The following SASS6 variants were observed in gnomAD, a reference collection of about 807,000 sequenced individuals.
SASS6 encodes SAS-6 centriolar assembly protein.
Under a neutral mutation model 94.9 loss-of-function variants are expected in SASS6, and 59 were observed. That is an observed-to-expected ratio of 0.62 (90% CI 0.50 to 0.77). The LOEUF (loss-of-function observed/expected upper bound fraction) is 0.77. Among genes scored for constraint, SASS6 ranks in the 30% least tolerant of loss-of-function variants. The pLI is 0.00. For synonymous variants in SASS6, 264 were observed against 270.0 expected (o/e 0.98, Z 0.22); for missense variants, 698 against 734.1 (o/e 0.95, Z 0.57).
Position 100,107,565 on chromosome 1 carries a change from C to G in SASS6, c.1147-12G>C. Reference sequence around the variant, plus strand: ...ATAATTTCATTTGCCTATAAAAGAGCTTCATATGTATATTTCTATGTAATT... The same window carrying G: ...ATAATTTCATTTGCCTATAAAAGAGGTTCATATGTATATTTCTATGTAATT... On this transcript the variant is annotated splice_polypyrimidine_tract_variant and intron_variant, in intron 10 of 16. Coordinates refer to ENST00000287482, the MANE Select transcript of SASS6 (RefSeq NM_194292.3). 1 of 1,579,570 alleles carries G rather than the reference C, an allele frequency of 6.3e-7. No homozygotes were observed. The highest frequency in any genetic ancestry group is 8.6e-7 in the Non-Finnish European group (1 of 1,157,792).
At chr1:100,120,209 G>C (rs1429808349) in intron 6 of SASS6, among the ~76,000 whole-genome samples, 185 bp downstream of exon 6, 1 of 152,138 alleles carries the variant, frequency 6.6e-6, no homozygotes, top group Non-Finnish European at 1.5e-5. Context: ...GTAAAATCAA[G>C]TATGTACAAG....
At chr1:100,090,815 T>C (rs180882952) in intron 14 of SASS6, among the ~76,000 whole-genome samples, 32 of 152,220 alleles carry the variant, frequency 2.1e-4, no homozygotes, top group Non-Finnish European at 4.0e-4. Flanking sequence ...GAGGAAATCA[T>C]GGAGAGAAAA....
intron 7 of SASS6, 55 bp from the exon 8 acceptor site, chr1:100,110,538 A>C: frequency 1.1e-6 from 1 of 888,392 alleles, no homozygotes; most frequent in Non-Finnish European, 1.6e-6. Flanking sequence ...TCAGAAATAC[A>C]AATACAGAAA....
At chr1:100,104,475 T>C (rs796684172) in intron 13 of SASS6, among the ~76,000 whole-genome samples, 18 of 152,156 alleles carry the variant, frequency 1.2e-4, no homozygotes, top group African/African-American at 4.1e-4. Context: ...CTTTTTTCTG[T>C]TTGAGATAGA....
chr1:100,092,807 C>A (rs529119664), intron 14 of SASS6, among the ~76,000 whole-genome samples: 1 of 152,120 alleles, frequency 6.6e-6, no homozygotes, highest in South Asian at 2.1e-4. Context: ...GATCTCCTGA[C>A]CTTGTGATCC....
At chr1:100,123,701 T>C (rs1654369240) in intron 2 of SASS6, among the ~76,000 whole-genome samples, 1 of 152,210 alleles carries the variant, frequency 6.6e-6, no homozygotes, top group South Asian at 2.1e-4. Context: ...GGCAAATATA[T>C]CAGCAGAACT....
chr1:100,112,730 T>A (rs1268155347), intron 7 of SASS6, among the ~76,000 whole-genome samples: 1 of 152,148 alleles, frequency 6.6e-6, no homozygotes, highest in African/African-American at 2.4e-5. Context: ...TTGGCCTAAT[T>A]TGAGAAAGAG....
At chr1:100,119,235 C>A in intron 6 of SASS6, 98 bp from the exon 7 acceptor site, 11 of 610,610 alleles carry the variant, frequency 1.8e-5, no homozygotes, top group South Asian at 5.3e-5. Flanking sequence ...TTAAAGAAAA[C>A]AAAATTATAG....
Position 100,122,458 on chromosome 1 carries a change from AC to A in SASS6, c.232del (p.Val78Ter). On this transcript the variant is annotated frameshift_variant, in exon 4 of 17. Coordinates refer to ENST00000287482, the MANE Select transcript of SASS6 (RefSeq NM_194292.3). LOFTEE classifies it high-confidence loss of function. ...QSLKFQQGLL[V>X]DFLAFPQKFI... is the part of the protein sequence containing the mutation. ...TTTTTGTGGGAAAGCTAAGAAGTCT[AC>A]CAGAAGACCTTGCTGGAATTTTAAA... 6.4e-7 allele frequency: 1 copy of A among 1,553,414 alleles called. No individual in the cohort carries two copies. Among genetic ancestry groups the A allele is most frequent in the East Asian group, 2.3e-5 (1 of 44,270 alleles).
At chr1:100,116,797 A>C (rs779962360) in intron 7 of SASS6, among the ~76,000 whole-genome samples, 17 of 152,214 alleles carry the variant, frequency 1.1e-4, no homozygotes, top group Non-Finnish European at 1.8e-4. Flanking sequence ...AAACTAATGA[A>C]TGATGATGTA....
rs997079182 is a variant in SASS6, at chr1:100,107,947, C to G, written c.919G>C (p.Asp307His). Residue 307 changes from aspartate (D) to histidine (H), a missense_variant, in exon 9 of 17, where the codon GAT (aspartate) becomes CAT (histidine). Physicochemically the swap from Asp to His is moderately conservative, Grantham distance 81. Coordinates refer to ENST00000287482, the MANE Select transcript of SASS6 (RefSeq NM_194292.3). ...TTTTCTTTCTCGTGGCATTCAACAT[C>G]TAGTGTAGAATTCTCTCTTCGCAAA... is the stretch of plus-strand genomic sequence containing the variant. ...LSLRRENSTL[D>H]VECHEKEKHV... is the part of the protein sequence containing the mutation. 6 of 1,611,974 alleles carry G rather than the reference C, an allele frequency of 3.7e-6. No individual in the cohort carries two copies. The highest frequency in any genetic ancestry group is 5.1e-6 in the Non-Finnish European group (6 of 1,178,562).
chr1:100,117,845 G>A (rs1388762963), intron 7 of SASS6, among the ~76,000 whole-genome samples: 1 of 139,700 alleles, frequency 7.2e-6, no homozygotes, highest in Non-Finnish European at 1.5e-5. Flanking sequence ...GAAGGTGGCA[G>A]GGCACAGTGA....
chr1:100,107,574 T>C (rs1463672940), intron 10 of SASS6, 21 bp from the exon 11 acceptor site: 5 of 1,566,446 alleles, frequency 3.2e-6, no homozygotes, highest in Non-Finnish European at 4.4e-6. Context: ...GCTTCATATG[T>C]ATATTTCTAT....
At chr1:100,114,104 G>C (rs1653608802) in intron 7 of SASS6, among the ~76,000 whole-genome samples, 2 of 152,014 alleles carry the variant, frequency 1.3e-5, no homozygotes, top group Non-Finnish European at 1.5e-5. Flanking sequence ...AATTTAAACA[G>C]ACCAATAATC....
chr1:100,130,419 G>A (rs1654914986), intron 1 of SASS6, among the ~76,000 whole-genome samples: 1 of 152,182 alleles, frequency 6.6e-6, no homozygotes, highest in East Asian at 1.9e-4. Flanking sequence ...GGTGGCTCAC[G>A]CCTATAATCC....
intron 1 of SASS6, among the ~76,000 whole-genome samples, chr1:100,130,323 A>G (rs1373486911): frequency 1.3e-5 from 2 of 152,208 alleles, no homozygotes; most frequent in African/African-American, 4.8e-5. Context: ...CACTTAGGAC[A>G]GTTCCTGAGA....
chr1:100,084,413 A>G lies in SASS6; in HGVS notation c.*915T>C, dbSNP rs1651079486. The G allele has an allele frequency of 6.6e-6, 1 of 152,132 alleles. No individual in the cohort carries two copies. Among genetic ancestry groups the G allele is most frequent in the African/African-American group, 2.4e-5 (1 of 41,460 alleles). The allele number at this position is 152,132 out of a possible 1,614,324, so 9.4% of individuals were successfully genotyped here. On this transcript the variant is annotated 3_prime_UTR_variant, in exon 17 of 17. Transcript: ENST00000287482. ...AATTTTTCCCCAAGGAACAATTCTT[A>G]AAACTTTCAGTTACAGGGAAGAGAA...
chr1:100,118,798 A>C (rs1709030950), intron 7 of SASS6, among the ~76,000 whole-genome samples: 2 of 152,280 alleles, frequency 1.3e-5, no homozygotes, highest in South Asian at 4.1e-4. Context: ...TAAATTACAT[A>C]TTATTTACAT....
intron 1 of SASS6, among the ~76,000 whole-genome samples, chr1:100,131,333 G>A (rs1287252225): frequency 6.6e-6 from 1 of 151,902 alleles, no homozygotes; most frequent in Non-Finnish European, 1.5e-5. Context: ...GGGACTACGG[G>A]TGTGAGCCAC....
Sources: gnomAD v4.1 joint callset for allele counts (sites outside exome capture counted in the v4.1 genomes callset) on GRCh38, gnomAD v4.1.1 for gene constraint, MANE v1.5 for transcripts, NCBI Gene and HGNC (gene_info 2026-07-23, HGNC 2026-07-21) for gene names.